The following CTNNA3 variants were observed in gnomAD, a reference collection of about 807,000 sequenced individuals.
The protein encoded by CTNNA3 is catenin alpha-3.
A neutral mutation model predicts 95.7 loss-of-function variants in CTNNA3; 76 were observed. The observed-to-expected ratio is 0.79, with a 90% CI of 0.66 to 0.96. The LOEUF is 0.96. CTNNA3 is among the 40% of genes least tolerant of loss of function. CTNNA3 has a pLI of 0.00. For missense variants in CTNNA3, 1,191 were observed against 1,089.8 expected, an observed-to-expected ratio of 1.09 and a Z score of -1.31; for synonymous variants, 431 against 374.4, an observed-to-expected ratio of 1.15 and a Z score of -1.74.
At chr10:66,865,812 G>C (rs1448110009) in intron 7 of CTNNA3, among the ~76,000 whole-genome samples, 1 of 152,026 alleles carries the variant, frequency 6.6e-6, no homozygotes, top group African/African-American at 2.4e-5. Flanking sequence ...TCTGCATAGA[G>C]ATGGTATATT....
At chr10:66,746,936 G>T (rs1426648133) in intron 9 of CTNNA3, among the ~76,000 whole-genome samples, 2 of 151,986 alleles carry the variant, frequency 1.3e-5, no homozygotes, top group Non-Finnish European at 2.9e-5. Context: ...ACTGCGATTA[G>T]TAATTAGTAG....
chr10:66,764,229 T>C (rs1433560064), intron 9 of CTNNA3, among the ~76,000 whole-genome samples: 1 of 152,174 alleles, frequency 6.6e-6, no homozygotes, highest in Non-Finnish European at 1.5e-5. Flanking sequence ...AAAGATTTTA[T>C]TCTTTCAAAA....
chr10:67,386,940 AAAGTT>A (rs1228395047), intron 5 of CTNNA3, among the ~76,000 whole-genome samples: 1 of 152,190 alleles, frequency 6.6e-6, no homozygotes, highest in Non-Finnish European at 1.5e-5. Context: ...AATTCTCACA[AAAGTT>A]AAGTATTTGT....
intron 10 of CTNNA3, among the ~76,000 whole-genome samples, chr10:66,601,199 A>G (rs1843910218): frequency 6.6e-6 from 1 of 151,896 alleles, no homozygotes; most frequent in Admixed American, 6.6e-5. Flanking sequence ...CAACCATAGC[A>G]TGCCCAGAAG....
At chr10:66,063,421 T>C (rs1436044514) in intron 15 of CTNNA3, among the ~76,000 whole-genome samples, 1 of 151,160 alleles carries the variant, frequency 6.6e-6, no homozygotes, top group East Asian at 1.9e-4. Flanking sequence ...CTTCTCATAT[T>C]CCACAGATGG....
intron 4 of CTNNA3, among the ~76,000 whole-genome samples, chr10:67,527,141 C>T (rs1840169496): frequency 6.6e-6 from 1 of 152,038 alleles, no homozygotes; most frequent in Non-Finnish European, 1.5e-5. Flanking sequence ...CCTGTAATCC[C>T]AGTTACTTGT....
intron 7 of CTNNA3, among the ~76,000 whole-genome samples, chr10:66,783,430 T>C (rs1285593452): frequency 6.6e-6 from 1 of 152,090 alleles, no homozygotes; most frequent in Non-Finnish European, 1.5e-5. Flanking sequence ...TTCCAAAACT[T>C]TTTTACTGAG....
chr10:66,266,285 A>G (rs1203391536), intron 13 of CTNNA3, among the ~76,000 whole-genome samples: 1 of 152,014 alleles, frequency 6.6e-6, no homozygotes, highest in East Asian at 1.9e-4. Context: ...CTCCAGAGCT[A>G]CTATAACACG....
At chr10:66,365,570 G>A (rs1564901117) in intron 12 of CTNNA3, among the ~76,000 whole-genome samples, 1 of 152,218 alleles carries the variant, frequency 6.6e-6, no homozygotes, top group African/African-American at 2.4e-5. Flanking sequence ...GGTGACATGG[G>A]ACCATATGAA....
intron 7 of CTNNA3, among the ~76,000 whole-genome samples, chr10:66,832,491 G>T (rs1162450327): frequency 3.3e-5 from 5 of 152,050 alleles, no homozygotes; most frequent in African/African-American, 1.2e-4. Context: ...TTTTGAGGAG[G>T]CCATTTACTA....
intron 7 of CTNNA3, among the ~76,000 whole-genome samples, chr10:66,978,454 G>C (rs1704187092): frequency 6.8e-6 from 1 of 146,588 alleles, no homozygotes; most frequent in South Asian, 2.2e-4. Flanking sequence ...TTTAACCTGG[G>C]AGGCGGAGGT....
rs568375161 is a variant in CTNNA3 at position 67,653,464 on chromosome 10, GTTGT to G, written c.-5-5950_-5-5947del. Among the ~76,000 whole-genome samples the G allele has an allele frequency of 8.7e-4, 132 of 152,206 alleles. 1 individual carries two copies. Among genetic ancestry groups the G allele is most frequent in the Non-Finnish European group, 1.6e-3 (109 of 68,016 alleles). ...CTACACAGATACATTGGAGTTTGGG[GTTGT>G]TTATGTTGTTGTTCAACAACTATTT... On this transcript the variant is annotated intron_variant, in intron 1 of 17. Coordinates refer to ENST00000433211, the MANE Select transcript of CTNNA3 (RefSeq NM_013266.4).
intron 10 of CTNNA3, among the ~76,000 whole-genome samples, chr10:66,603,261 A>G (rs1193522591): frequency 6.6e-6 from 1 of 152,184 alleles, no homozygotes; most frequent in Non-Finnish European, 1.5e-5. Flanking sequence ...CAAAACCAAG[A>G]CACAAAAATT....
intron 7 of CTNNA3, among the ~76,000 whole-genome samples, chr10:66,846,053 A>T (rs545669813): frequency 6.6e-6 from 1 of 151,524 alleles, no homozygotes; most frequent in Admixed American, 6.6e-5. Context: ...AATCGCTTGA[A>T]CCCGGGAGGC....
chr10:66,607,144 A>G (rs578259167), intron 10 of CTNNA3, among the ~76,000 whole-genome samples: 11 of 152,210 alleles, frequency 7.2e-5, no homozygotes, highest in African/African-American at 2.2e-4. Flanking sequence ...AGAAAACACT[A>G]TGACCACCTC....
intron 15 of CTNNA3, 33 bp downstream of exon 15, chr10:66,069,275 A>C (rs1470225581): frequency 4.4e-6 from 7 of 1,592,290 alleles, no homozygotes; most frequent in Middle Eastern, 1.7e-4. Context: ...TTCAGCCATT[A>C]TGAATATTAC....
intron 5 of CTNNA3, among the ~76,000 whole-genome samples, chr10:67,511,893 G>A (rs888244264): frequency 3.3e-5 from 5 of 152,146 alleles, no homozygotes; most frequent in African/African-American, 1.2e-4. Context: ...GGTCTATTCA[G>A]AGATTCAACT....
intron 2 of CTNNA3, among the ~76,000 whole-genome samples, chr10:67,636,761 A>T (rs539424123): frequency 9.9e-5 from 15 of 152,210 alleles, no homozygotes; most frequent in Non-Finnish European, 2.2e-4. Flanking sequence ...CAAGGTCTGG[A>T]GTGGACCTCC....
chr10:67,705,805 GA>G (rs1325059773), intron 1 of CTNNA3, among the ~76,000 whole-genome samples: 1 of 150,754 alleles, frequency 6.6e-6, no homozygotes, highest in Non-Finnish European at 1.5e-5. Context: ...AAGAAAGAAA[GA>G]AAAGGGCTAC....
Sources: gnomAD v4.1 joint callset for allele counts (sites outside exome capture counted in the v4.1 genomes callset) on GRCh38, gnomAD v4.1.1 for gene constraint, MANE v1.5 for transcripts, NCBI Gene and HGNC (gene_info 2026-07-23, HGNC 2026-07-21) for gene names.